Variants in PRIMA1 observed in about 807,000 individuals in gnomAD.
PRIMA1 encodes proline rich membrane anchor 1, also known as proline-rich membrane anchor 1.
A neutral mutation model predicts 17.5 loss-of-function variants in PRIMA1; 7 were observed. The ratio of observed to expected loss-of-function variants is 0.40; its 90% CI spans 0.23 to 0.75. The LOEUF is 0.75. Among genes scored for constraint, PRIMA1 ranks in the 30% least tolerant of loss-of-function variants. The pLI, the probability that PRIMA1 is intolerant of heterozygous loss-of-function variation, is 0.37. For missense variants in PRIMA1, 200 were observed against 201.8 expected (o/e 0.99, Z 0.05); for synonymous variants, 97 against 77.9 (o/e 1.25, Z -1.29).
intron 3 of PRIMA1, among the ~76,000 whole-genome samples, chr14:93,756,466 C>T (rs554736981): frequency 5.9e-5 from 9 of 152,312 alleles, no homozygotes; most frequent in Non-Finnish European, 1.2e-4. Context: ...CTCTGCCTCT[C>T]CCTGGCTTGC....
intron 1 of PRIMA1, 146 bp downstream of exon 1, chr14:93,788,264 G>A (rs560267345): frequency 2.0e-4 from 34 of 168,840 alleles, no homozygotes; most frequent in African/African-American, 7.7e-4. Flanking sequence ...ACACTGCCCA[G>A]CCGGCCTCAT....
At chr14:93,770,376 C>A (rs377453601) in intron 3 of PRIMA1, among the ~76,000 whole-genome samples, 2 of 152,238 alleles carry the variant, frequency 1.3e-5, no homozygotes, top group African/African-American at 4.8e-5. Context: ...CGGCCCTGTG[C>A]GGTCCGGGCA....
intron 3 of PRIMA1, among the ~76,000 whole-genome samples, chr14:93,778,699 CA>C (rs1435518517): frequency 1.3e-5 from 2 of 152,244 alleles, no homozygotes; most frequent in African/African-American, 4.8e-5. Context: ...TCGTCCAAGG[CA>C]AACAAGTCAC....
At chr14:93,739,253 T>G (rs1479305619) in intron 3 of PRIMA1, among the ~76,000 whole-genome samples, 1 of 152,156 alleles carries the variant, frequency 6.6e-6, no homozygotes, top group Non-Finnish European at 1.5e-5. Context: ...GGTTTCTCCA[T>G]GTTGGTCAGG....
intron 3 of PRIMA1, among the ~76,000 whole-genome samples, chr14:93,747,746 T>C (rs956758718): frequency 1.4e-5 from 2 of 147,460 alleles, no homozygotes; most frequent in African/African-American, 5.1e-5. Flanking sequence ...GAGTGGGAAG[T>C]GTGTGGAGTG....
chr14:93,746,396 A>G (rs2076218342), intron 3 of PRIMA1, among the ~76,000 whole-genome samples: 1 of 152,014 alleles, frequency 6.6e-6, no homozygotes, highest in African/African-American at 2.4e-5. Context: ...ACTGGAGCAA[A>G]GACTGGAATT....
intron 2 of PRIMA1, 90 bp downstream of exon 2, chr14:93,787,536 C>CTGCAAGAG (rs1255598337): frequency 1.5e-5 from 23 of 1,517,390 alleles, no homozygotes; most frequent in Non-Finnish European, 2.0e-5. Context: ...AGTGGGGTGG[C>CTGCAAGAG]TGCAAGAGGC....
At chr14:93,758,271 T>C (rs778039718) in intron 3 of PRIMA1, among the ~76,000 whole-genome samples, 7 of 151,840 alleles carry the variant, frequency 4.6e-5, no homozygotes, top group Admixed American at 4.6e-4. Flanking sequence ...CCACATAAGA[T>C]GACAAAAAAG....
intron 3 of PRIMA1, among the ~76,000 whole-genome samples, chr14:93,748,452 G>A (rs1357682123): frequency 1.3e-5 from 2 of 152,206 alleles, no homozygotes; most frequent in African/African-American, 4.8e-5. Flanking sequence ...GGGCCACCCT[G>A]GGCATCAGGA....
At chr14:93,759,444 A>G (rs1385074156) in intron 3 of PRIMA1, among the ~76,000 whole-genome samples, 1 of 151,346 alleles carries the variant, frequency 6.6e-6, no homozygotes, top group Non-Finnish European at 1.5e-5. Flanking sequence ...AGGGAAGGAG[A>G]GCGAAGGGCG....
chr14:93,752,191 CTTT>C (rs915929584), intron 3 of PRIMA1, among the ~76,000 whole-genome samples: 1 of 152,276 alleles, frequency 6.6e-6, no homozygotes, highest in Admixed American at 6.5e-5. Context: ...TCCTTAGATT[CTTT>C]TATTTGATTC....
chr14:93,734,457 T>C (rs2076135524), intron 4 of PRIMA1, among the ~76,000 whole-genome samples: 1 of 152,104 alleles, frequency 6.6e-6, no homozygotes. Flanking sequence ...AGGCGGCCCT[T>C]CTCCTAAGTG....
rs117566234 is a variant in PRIMA1, at chr14:93,740,329, C to T, written c.230-2959G>A. 9.9e-3 allele frequency among the ~76,000 whole-genome samples: 1,502 copies of T among 152,344 alleles called. 11 individuals carry two copies. The highest frequency in any genetic ancestry group is 0.015 in the Non-Finnish European group (1,041 of 68,022). ...AATATCAAACAAAAAATCCTTCCCT[C>T]CAATTCCTCACCTTGGGGTATCCCT... On this transcript the variant is annotated intron_variant, in intron 3 of 4. Coordinates refer to ENST00000393140, the MANE Select transcript of PRIMA1 (RefSeq NM_178013.4).
chr14:93,731,752 C>T (rs2141156215), intron 4 of PRIMA1, among the ~76,000 whole-genome samples: 1 of 152,304 alleles, frequency 6.6e-6, no homozygotes, highest in African/African-American at 2.4e-5. Context: ...CAGGGACTGT[C>T]TTGTTTCTTC....
chr14:93,735,350 C>T (rs866339597), intron 4 of PRIMA1, among the ~76,000 whole-genome samples: 4 of 152,220 alleles, frequency 2.6e-5, no homozygotes, highest in East Asian at 1.9e-4. Context: ...TCTCCTGCGT[C>T]GCAGGGGCTT....
intron 3 of PRIMA1, among the ~76,000 whole-genome samples, chr14:93,744,214 T>A (rs1051193637): frequency 2.0e-5 from 3 of 152,190 alleles, no homozygotes; most frequent in Non-Finnish European, 4.4e-5. Flanking sequence ...CAGAAGTCTC[T>A]TCTGGGCTGA....
At chr14:93,768,536 C>T (rs1436270885) in intron 3 of PRIMA1, among the ~76,000 whole-genome samples, 1 of 152,166 alleles carries the variant, frequency 6.6e-6, no homozygotes, top group Non-Finnish European at 1.5e-5. Flanking sequence ...CAACAAGCAA[C>T]CAGGGCTCAA....
intron 4 of PRIMA1, among the ~76,000 whole-genome samples, chr14:93,722,176 G>A (rs12436950): frequency 4.9e-4 from 4 of 8,104 alleles, no homozygotes; most frequent in African/African-American, 2.0e-3. Context: ...TAATGGGGTG[G>A]TGGTGGTAGT....
At chr14:93,732,829 G>A (rs928290488) in intron 4 of PRIMA1, among the ~76,000 whole-genome samples, 26 of 148,658 alleles carry the variant, frequency 1.7e-4, no homozygotes, top group South Asian at 2.1e-4. Flanking sequence ...TGAGCCCGGC[G>A]GGGCTGGGGC....
Sources: allele counts gnomAD v4.1 joint callset (sites outside exome capture counted in the v4.1 genomes callset), GRCh38; gene constraint gnomAD v4.1.1; transcripts MANE v1.5; gene names NCBI Gene and HGNC (gene_info 2026-07-23, HGNC 2026-07-21).